Variants in MYO5B observed in about 807,000 individuals in gnomAD.
MYO5B encodes myosin VB, also known as unconventional myosin-Vb.
MYO5B carries 143 observed loss-of-function variants against 229.3 expected under a neutral mutation model. That is an observed-to-expected ratio of 0.62 (90% CI 0.54 to 0.72). The LOEUF (loss-of-function observed/expected upper bound fraction) is 0.72. MYO5B is among the 30% of genes least tolerant of loss of function. The probability of loss-of-function intolerance (pLI) is 0.00; values close to 1 mark genes in which losing one functional copy is unlikely to be tolerated. For synonymous variants in MYO5B, 918 were observed against 885.2 expected (o/e 1.04, Z -0.66); for missense variants, 2,321 against 2,331.0 (o/e 1.00, Z 0.09).
At chr18:50,130,992 C>T (rs1961331893) in intron 1 of MYO5B, among the ~76,000 whole-genome samples, 1 of 152,176 alleles carries the variant, frequency 6.6e-6, no homozygotes, top group Non-Finnish European at 1.5e-5. Context: ...CCATGCCTAT[C>T]ATGTTCCAGC....
At chr18:50,134,476 A>G (rs1433861499) in intron 1 of MYO5B, among the ~76,000 whole-genome samples, 1 of 151,756 alleles carries the variant, frequency 6.6e-6, no homozygotes, top group Admixed American at 6.6e-5. Context: ...AATCACTTGA[A>G]CCCAGGAGGC....
At chr18:50,012,334 C>T (rs1002458667) in intron 4 of MYO5B, among the ~76,000 whole-genome samples, 5 of 152,110 alleles carry the variant, frequency 3.3e-5, no homozygotes, top group African/African-American at 1.2e-4. Flanking sequence ...TACAATGTAC[C>T]ACTGAACTGA....
At chr18:50,056,869 A>G (rs2030564107) in intron 1 of MYO5B, among the ~76,000 whole-genome samples, 1 of 152,148 alleles carries the variant, frequency 6.6e-6, no homozygotes, top group Admixed American at 6.5e-5. Context: ...TGAGAAAGCA[A>G]ACATCAACCA....
intron 14 of MYO5B, among the ~76,000 whole-genome samples, chr18:49,952,268 A>G (rs758635539): frequency 2.0e-5 from 3 of 152,210 alleles, no homozygotes; most frequent in South Asian, 2.1e-4. Context: ...CATTTCTCCA[A>G]TGTTATCAGG....
At chr18:50,092,451 C>T (rs1188422840) in intron 1 of MYO5B, among the ~76,000 whole-genome samples, 3 of 152,180 alleles carry the variant, frequency 2.0e-5, no homozygotes, top group Non-Finnish European at 2.9e-5. Flanking sequence ...GCTGCTGCTG[C>T]GTTCTAACAC....
chr18:50,119,255 G>T (rs116667958), intron 1 of MYO5B, among the ~76,000 whole-genome samples: 2 of 152,286 alleles, frequency 1.3e-5, no homozygotes, highest in African/African-American at 2.4e-5. Context: ...TATCCCAGAC[G>T]AGGGGCTCCT....
chr18:50,173,521 G>T (rs917802791), intron 1 of MYO5B, among the ~76,000 whole-genome samples: 9 of 152,198 alleles, frequency 5.9e-5, no homozygotes, highest in Admixed American at 1.3e-4. Context: ...AGGAGACAAG[G>T]GAAGATGAAG....
intron 1 of MYO5B, among the ~76,000 whole-genome samples, chr18:50,071,764 C>A (rs1406899662): frequency 2.6e-5 from 4 of 152,212 alleles, no homozygotes; most frequent in Admixed American, 2.6e-4. Context: ...AGCTCTGAAG[C>A]AATGGGTGTG....
chr18:50,172,288 C>CA (rs55973734), intron 1 of MYO5B, among the ~76,000 whole-genome samples: 11,059 of 90,498 alleles, frequency 0.12, 607 homozygotes, highest in African/African-American at 0.18. Flanking sequence ...CAAAAAAAGA[C>CA]AAAAAAAAAA....
rs191217516 is a variant in MYO5B, at chr18:50,107,460, T to A, written c.28-52082A>T. The stretch of plus-strand genomic sequence containing the variant: ...CCACAACCAGGGGAGTTCTACCGTA[T>A]TCTCACATCTTGAGCTTCAATTAAG... On this transcript the variant is annotated intron_variant, in intron 1 of 39. Transcript: ENST00000285039. Among the ~76,000 whole-genome samples, 3 of 152,258 alleles carry A rather than the reference T, an allele frequency of 2.0e-5. 1 individual carries two copies. Among genetic ancestry groups the A allele is most frequent in the Admixed American group, 1.3e-4 (2 of 15,296 alleles).
At chr18:49,847,948 A>G (rs1219163069) in intron 32 of MYO5B, among the ~76,000 whole-genome samples, 3 of 152,204 alleles carry the variant, frequency 2.0e-5, no homozygotes, top group African/African-American at 7.2e-5. Flanking sequence ...GATGATGACT[A>G]TTTGGGAAGA....
At chr18:49,933,300 T>A (rs1020984474) in intron 16 of MYO5B, among the ~76,000 whole-genome samples, 4 of 152,170 alleles carry the variant, frequency 2.6e-5, no homozygotes, top group Non-Finnish European at 5.9e-5. Flanking sequence ...GGATACTTCA[T>A]CTCTCTCTTG....
intron 16 of MYO5B, among the ~76,000 whole-genome samples, chr18:49,930,270 A>G (rs1050237979): frequency 1.3e-5 from 2 of 152,248 alleles, no homozygotes; most frequent in Non-Finnish European, 2.9e-5. Flanking sequence ...GCTGTTAGCT[A>G]TGATCACAAC....
At chr18:50,172,050 T>C (rs2032925674) in intron 1 of MYO5B, among the ~76,000 whole-genome samples, 1 of 152,122 alleles carries the variant, frequency 6.6e-6, no homozygotes, top group Non-Finnish European at 1.5e-5. Context: ...GGAGGCCTCA[T>C]GTTCATTAGG....
At chr18:49,925,667 G>A (rs2025121033) in intron 17 of MYO5B, among the ~76,000 whole-genome samples, 1 of 152,204 alleles carries the variant, frequency 6.6e-6, no homozygotes, top group Admixed American at 6.5e-5. Context: ...GCAGATACAA[G>A]AGCCAGAAGC....
chr18:50,064,016 G>C (rs1398321291), intron 1 of MYO5B: 1 of 152,266 alleles, frequency 6.6e-6, no homozygotes, highest in Non-Finnish European at 1.5e-5. Context: ...TATACCAGTA[G>C]TATACTTGTT....
intron 5 of MYO5B, among the ~76,000 whole-genome samples, chr18:49,996,216 G>A (rs1262881179): frequency 6.6e-6 from 1 of 152,172 alleles, no homozygotes; most frequent in South Asian, 2.1e-4. Flanking sequence ...TTTGCAAAGT[G>A]ATTGATAGAT....
chr18:49,962,248 T>G lies in MYO5B; in HGVS notation c.1545+18A>C. The G allele has an allele frequency of 6.2e-7, 1 of 1,614,076 alleles. No individual in the cohort carries two copies. The highest frequency in any genetic ancestry group is 8.5e-7 in the Non-Finnish European group (1 of 1,179,954). On this transcript the variant is annotated intron_variant, in intron 12 of 39. Transcript: ENST00000285039. ...ATCCCTACCCTAGAATTGAACTAATTTGCATCATCAGTTTTACCTTACATT... is the reference window on the plus strand; with the variant it reads ...ATCCCTACCCTAGAATTGAACTAATGTGCATCATCAGTTTTACCTTACATT...
chr18:49,989,940 C>T (rs2025911383), intron 7 of MYO5B, among the ~76,000 whole-genome samples: 1 of 152,182 alleles, frequency 6.6e-6, no homozygotes, highest in Admixed American at 6.5e-5. Flanking sequence ...CCAGAGCCCC[C>T]TCTTATCCTC....
Sources: allele counts gnomAD v4.1 joint callset (sites outside exome capture counted in the v4.1 genomes callset), GRCh38; gene constraint gnomAD v4.1.1; transcripts MANE v1.5; gene names NCBI Gene and HGNC (gene_info 2026-07-23, HGNC 2026-07-21).